PLEKHN1: variants seen among roughly 807,000 people sequenced by gnomAD.
PLEKHN1 encodes the protein pleckstrin homology domain-containing family N member 1.
In PLEKHN1, 68 loss-of-function variants were observed where a neutral mutation model predicts 72.8. That is an observed-to-expected ratio of 0.93 (90% CI 0.77 to 1.14). The LOEUF is 1.14. PLEKHN1 is among the 50% of genes most tolerant of loss of function. PLEKHN1 has a pLI of 0.00. For missense variants in PLEKHN1, 1,015 were observed against 840.5 expected (o/e 1.21, Z -2.57); for synonymous variants, 454 against 371.6 (o/e 1.22, Z -2.55).
At position 972,314 on chromosome 1, in the gene PLEKHN1, G is replaced by A. The variant is rs1387128331; in HGVS notation, c.892G>A (p.Val298Met). Residue 298 changes from valine (V) to methionine (M), a missense_variant, in exon 10 of 16, where the codon GTG becomes ATG. By Grantham distance (21) the Val-to-Met change is conservative. Coordinates refer to ENST00000379410, the MANE Select transcript of PLEKHN1 (RefSeq NM_032129.3). ...EGPLINTIRV[V>M]CASYEDYGHW... ...CCCCCTCATCAACACCATCCGCGTG[G>A]TGTGCGCCAGCTACGAGGACTACGG... is the stretch of plus-strand genomic sequence containing the variant. 2 of 1,612,622 alleles carry A rather than the reference G, an allele frequency of 1.2e-6. No individual in the cohort carries two copies. Among genetic ancestry groups the A allele is most frequent in the Non-Finnish European group, 1.7e-6 (2 of 1,179,842 alleles).
At position 971,094 on chromosome 1, in the gene PLEKHN1, A is replaced by G; in HGVS notation, c.613-19A>G. The G allele has an allele frequency of 6.3e-7, 1 of 1,586,066 alleles. No individual in the cohort carries two copies. Among genetic ancestry groups the G allele is most frequent in the Non-Finnish European group, 8.6e-7 (1 of 1,166,868 alleles). On this transcript the variant is annotated intron_variant, in intron 6 of 15. Coordinates refer to ENST00000379410, the MANE Select transcript of PLEKHN1 (RefSeq NM_032129.3). ...CCTCACAGGGGTCCTGCGGAGACGAACTCCCCTGGACTTTGCAGCGCCGTC... is the reference window on the plus strand; with the variant it reads ...CCTCACAGGGGTCCTGCGGAGACGAGCTCCCCTGGACTTTGCAGCGCCGTC...
At chr1:969,191 G>A (rs533655519) in intron 2 of PLEKHN1, among the ~76,000 whole-genome samples, 1 of 152,362 alleles carries the variant, frequency 6.6e-6, no homozygotes, top group South Asian at 2.1e-4. Context: ...CTTCTAACAA[G>A]TCTTCAGAGG....
In PLEKHN1 at chr1:973,916, C is replaced by T; in HGVS notation, c.1518C>T (p.Asp506=). 3 of 1,611,512 alleles carry T rather than the reference C, an allele frequency of 1.9e-6. No homozygotes were observed. The highest frequency in any genetic ancestry group is 2.5e-6 in the Non-Finnish European group (3 of 1,179,928). ...TGCCTGTGTCTGTGCCTGCCTCTGACCCTCGCTCCTGCTCCTCCGGCCCCG... is the reference window on the plus strand; with the variant it reads ...TGCCTGTGTCTGTGCCTGCCTCTGATCCTCGCTCCTGCTCCTCCGGCCCCG... ...PSVPVSVPAS[D]PRSCSSGPAG... The change falls in exon 14 of 16, where the codon GAC becomes GAT. Residue 506 remains aspartate (D), a synonymous_variant. Transcript: ENST00000379410.
chr1:971,434 C>T (rs186452919), intron 8 of PLEKHN1, 30 bp downstream of exon 8: 337 of 1,540,442 alleles, frequency 2.2e-4, no homozygotes, highest in Non-Finnish European at 2.9e-4. Context: ...GGGCCCGCCC[C>T]AGGGAGGCAG....
Position 971,163 on chromosome 1 carries a change from T to A in PLEKHN1, c.663T>A (p.Ser221Arg). The A allele has an allele frequency of 6.3e-7, 1 of 1,598,444 alleles. No individual in the cohort carries two copies. Among genetic ancestry groups the A allele is most frequent in the Non-Finnish European group, 8.5e-7 (1 of 1,173,452 alleles). The change falls in exon 7 of 16, where the codon AGT becomes AGA. Residue 221 changes from serine (S) to arginine (R), a missense_variant. Coordinates refer to ENST00000379410, the MANE Select transcript of PLEKHN1 (RefSeq NM_032129.3). ...CGTCAGGGCACGAACCCGGCGGCAGTGCTGTCTGTGCCTCGAGGGTCAAGC... is the reference window on the plus strand; with the variant it reads ...CGTCAGGGCACGAACCCGGCGGCAGAGCTGTCTGTGCCTCGAGGGTCAAGC... ...RTASGHEPGG[S>R]AVCASRVKLQ...
At position 970,186 on chromosome 1, in the gene PLEKHN1, A is replaced by C; in HGVS notation, c.184-91A>C. 7.0e-7 allele frequency: 1 copy of C among 1,421,074 alleles called. No individual in the cohort carries two copies. Among genetic ancestry groups the C allele is most frequent in the South Asian group, 1.3e-5 (1 of 79,694 alleles). 88.0% of individuals were successfully genotyped at this position (1,421,074 alleles called of 1,614,324 possible). A position where few individuals can be genotyped will look rare whatever the true frequency, so the allele number is the denominator to read the frequency against. On this transcript the variant is annotated intron_variant, in intron 2 of 15. Coordinates refer to ENST00000379410, the MANE Select transcript of PLEKHN1 (RefSeq NM_032129.3). This position sits in a 1 kb window ranked among gnomAD's most constrained non-coding sequence, Gnocchi z 4.2. ...GTGTTGTGTGGCTATGCACAGGCAG[A>C]CCATGCTATAGTCCTGTAGCTGTGT...
At position 971,409 on chromosome 1, in the gene PLEKHN1, G is replaced by GC; in HGVS notation, c.789+9dup. 1 of 1,571,334 alleles carries GC rather than the reference G, an allele frequency of 6.4e-7. No individual in the cohort carries two copies. The highest frequency in any genetic ancestry group is 8.6e-7 in the Non-Finnish European group (1 of 1,159,832). ...CTGGACGGGCTTTGCTTCAAGGTGG[G>GC]CCCCTCCCCACTGTGGGCCCGCCCC... On this transcript the variant is annotated splice_donor_region_variant and intron_variant, in intron 8 of 15. Coordinates refer to ENST00000379410, the MANE Select transcript of PLEKHN1 (RefSeq NM_032129.3).
rs776361448 is a variant in PLEKHN1 at position 972,114 on chromosome 1, G to A, written c.829G>A (p.Glu277Lys). The A allele has an allele frequency of 8.1e-6, 13 of 1,613,038 alleles. No individual in the cohort carries two copies. The East Asian group carries it at 2.5e-4, about 30-fold the overall frequency. Reference sequence around the variant, plus strand: ...CCGTGCCGTCCACATCAACCTGGAGGAGAAGGAGAAGCAGATCCGCTCCTT... The same window carrying A: ...CCGTGCCGTCCACATCAACCTGGAGAAGAAGGAGAAGCAGATCCGCTCCTT... Reference protein sequence around the residue: ...PLRAVHINLEEKEKQIRSFLI... With the variant: ...PLRAVHINLEKKEKQIRSFLI... The change falls in exon 9 of 16, where the codon GAG becomes AAG. Residue 277 changes from glutamate (E) to lysine (K), a missense_variant. Physicochemically the swap from Glu to Lys is moderately conservative, Grantham distance 56. Transcript: ENST00000379410.
chr1:967,084 C>T (rs917636596), intron 2 of PLEKHN1, among the ~76,000 whole-genome samples: 7 of 152,196 alleles, frequency 4.6e-5, no homozygotes, highest in African/African-American at 1.7e-4. Flanking sequence ...AGGGGACCAG[C>T]GCACGTGTCT....
In PLEKHN1 at chr1:974,481, A is replaced by T. The variant is rs767611719; in HGVS notation, c.1742A>T (p.Asp581Val). Residue 581 changes from aspartate to valine, a missense_variant, in exon 16 of 16, where the codon GAC (aspartate) becomes GTC (valine). Physicochemically the swap from Asp to Val is radical, Grantham distance 152. Coordinates refer to ENST00000379410, the MANE Select transcript of PLEKHN1 (RefSeq NM_032129.3). ...SPRRSRDPGYDHLWDETLSSS... is the reference protein window; with the variant it reads ...SPRRSRDPGYVHLWDETLSSS... ...AGGAGGAGCCGGGACCCCGGCTACG[A>T]CCACCTCTGGGACGAGACTTTGTCT... 2.5e-6 allele frequency: 4 copies of T among 1,612,540 alleles called. No individual in the cohort carries two copies. Among genetic ancestry groups the T allele is most frequent in the African/African-American group, 1.3e-5 (1 of 74,878 alleles).
chr1:975,028 GT>G lies in PLEKHN1; in HGVS notation c.*454del, dbSNP rs2100488111. ...AAGCCAGGGTGCCCCGAGGAGGAGG[GT>G]GGGTGGGTCCTTGTGTGGCCTGGCG... On this transcript the variant is annotated 3_prime_UTR_variant, in exon 16 of 16. Coordinates refer to ENST00000379410, the MANE Select transcript of PLEKHN1 (RefSeq NM_032129.3). 5.8e-6 allele frequency: 1 copy of G among 171,886 alleles called. No homozygotes were observed. The highest frequency in any genetic ancestry group is 1.3e-5 in the Non-Finnish European group (1 of 79,690). The allele number at this position is 171,886 out of a possible 1,614,324, so 10.6% of individuals were successfully genotyped here. A position where few individuals can be genotyped will look rare whatever the true frequency, so the allele number is the denominator to read the frequency against.
At chr1:974,223 G>C in intron 14 of PLEKHN1, 93 bp from the exon 15 acceptor site, 1 of 1,579,264 alleles carries the variant, frequency 6.3e-7, no homozygotes. Context: ...AGGGAGAGCA[G>C]GGGGACATGG....
Position 966,487 on chromosome 1 carries a change from G to A in PLEKHN1, c.-45G>A, listed in dbSNP as rs1008637570. The A allele has an allele frequency of 1.3e-6, 2 of 1,542,794 alleles. No homozygotes were observed. Among genetic ancestry groups the A allele is most frequent in the Non-Finnish European group, 1.8e-6 (2 of 1,131,090 alleles). On this transcript the variant is annotated 5_prime_UTR_variant, in exon 1 of 16. Transcript: ENST00000379410. Reference sequence around the variant, plus strand: ...TGCCCGCGGGAGGCGGGGGCAGGAGGCTGTGGACAGGGACCCAGACTTGCC... The same window carrying A: ...TGCCCGCGGGAGGCGGGGGCAGGAGACTGTGGACAGGGACCCAGACTTGCC...
rs376898081 is a variant in PLEKHN1 at position 971,308 on chromosome 1, A to T, written c.709-16A>T. ...CTCAGTTCCCTCATCGCCTGACCCC[A>T]CCCCCACCCACCCAGGAGCAGTGGG... On this transcript the variant is annotated splice_polypyrimidine_tract_variant and intron_variant, in intron 7 of 15. Coordinates refer to ENST00000379410, the MANE Select transcript of PLEKHN1 (RefSeq NM_032129.3). The T allele has an allele frequency of 1.9e-4, 173 of 891,020 alleles. No individual in the cohort carries two copies. Among genetic ancestry groups the T allele is most frequent in the Non-Finnish European group, 2.8e-4 (163 of 572,588 alleles). The allele number at this position is 891,020 out of a possible 1,614,324, so 55.2% of individuals were successfully genotyped here. A position where few individuals can be genotyped will look rare whatever the true frequency, so the allele number is the denominator to read the frequency against.
At chr1:967,564 C>T (rs1643076006) in intron 2 of PLEKHN1, among the ~76,000 whole-genome samples, 1 of 152,106 alleles carries the variant, frequency 6.6e-6, no homozygotes, top group South Asian at 2.1e-4. Flanking sequence ...GCCCTAGGAG[C>T]ATCTGCGGGA....
intron 10 of PLEKHN1, 69 bp from the exon 11 acceptor site, chr1:972,792 G>C: frequency 2.1e-6 from 3 of 1,457,890 alleles, no homozygotes; most frequent in Non-Finnish European, 2.7e-6. Flanking sequence ...GGACAGCACG[G>C]TGGGTCCAGG....
intron 2 of PLEKHN1, among the ~76,000 whole-genome samples, chr1:967,376 ACC>A (rs33930611): frequency 0.014 from 2,068 of 145,432 alleles, 45 homozygotes; most frequent in African/African-American, 0.051. Context: ...CCCCATGCCC[ACC>A]CCCCCCCCAG....
rs373289246 is a variant in PLEKHN1, at chr1:970,734, C to G, written c.460C>G (p.Arg154Gly). 1.9e-6 allele frequency: 3 copies of G among 1,607,842 alleles called. No homozygotes were observed. Among genetic ancestry groups the G allele is most frequent in the Admixed American group, 1.7e-5 (1 of 59,738 alleles). ...ELSVCPLEGS[R>G]EHAFQITGPL... ...GAGTGTCTGCCCGCTCGAGGGGTCC[C>G]GAGAGCACGCCTTCCAGATCACAGG... Residue 154 changes from arginine to glycine, a missense_variant, in exon 5 of 16, where the codon CGA becomes GGA. Transcript: ENST00000379410. This position sits in a 1 kb window ranked among gnomAD's most constrained non-coding sequence, Gnocchi z 4.2.
intron 2 of PLEKHN1, 127 bp downstream of exon 2, chr1:966,930 A>AGCC: frequency 2.9e-6 from 3 of 1,046,614 alleles, no homozygotes; most frequent in Non-Finnish European, 2.7e-6. Flanking sequence ...GTAGGTGAGG[A>AGCC]GCCGACGCTG....
Sources: allele counts gnomAD v4.1 joint callset (sites outside exome capture counted in the v4.1 genomes callset), GRCh38; gene constraint gnomAD v4.1.1; non-coding constraint Gnocchi (gnomAD v3.1); transcripts MANE v1.5; gene names NCBI Gene and HGNC (gene_info 2026-07-23, HGNC 2026-07-21).